Variants in CADPS observed in about 807,000 individuals in gnomAD.
The protein encoded by CADPS is calcium-dependent secretion activator 1.
A neutral mutation model predicts 167.3 loss-of-function variants in CADPS; 57 were observed. The observed-to-expected ratio is 0.34, with a 90% CI of 0.28 to 0.42. The LOEUF is 0.42. Ranked by LOEUF, CADPS falls within the 20% of genes least tolerant of loss-of-function variation. The pLI is 1.00. For missense variants in CADPS, 1,414 were observed against 1,738.1 expected, an observed-to-expected ratio of 0.81 and a Z score of 3.32; for synonymous variants, 676 against 635.3, an observed-to-expected ratio of 1.06 and a Z score of -0.96.
rs1474748774 is a variant in CADPS at position 62,474,308 on chromosome 3, T to C, written c.3342A>G (p.Ala1114=). The C allele has an allele frequency of 1.2e-6, 2 of 1,613,860 alleles. No individual in the cohort carries two copies. The highest frequency in any genetic ancestry group is 3.3e-5 in the Admixed American group (2 of 59,996). Residue 1114 remains alanine, a synonymous_variant, in exon 24 of 30, where the codon GCA becomes GCG. Transcript: ENST00000383710. Reference sequence around the variant, plus strand: ...TGGTTTTTTGCAGCTTAACTTCAAATGCAATCCTGGTTCTATTAAAACAAA... The same window carrying C: ...TGGTTTTTTGCAGCTTAACTTCAAACGCAATCCTGGTTCTATTAAAACAAA... ...IESCVKRTRI[A]FEVKLQKTSR...
chr3:62,482,911 C>T (rs756638365), intron 21 of CADPS, among the ~76,000 whole-genome samples: 7 of 152,084 alleles, frequency 4.6e-5, no homozygotes, highest in South Asian at 2.1e-4. Flanking sequence ...GATCAACTGA[C>T]GTGATGGAAG....
At chr3:62,718,326 G>A (rs1416733741) in intron 3 of CADPS, among the ~76,000 whole-genome samples, 1 of 152,160 alleles carries the variant, frequency 6.6e-6, no homozygotes, top group Non-Finnish European at 1.5e-5. Context: ...ATCTACTCAT[G>A]TAAATGTTTG....
chr3:62,538,989 T>C (rs190589709), intron 11 of CADPS, among the ~76,000 whole-genome samples: 1 of 152,334 alleles, frequency 6.6e-6, no homozygotes, highest in Admixed American at 6.5e-5. Context: ...TTTCATTTTT[T>C]ACTAACGTTT....
At chr3:62,632,708 A>C (rs903844812) in intron 6 of CADPS, among the ~76,000 whole-genome samples, 5 of 152,100 alleles carry the variant, frequency 3.3e-5, no homozygotes, top group Non-Finnish European at 5.9e-5. Flanking sequence ...GCACGACCAC[A>C]AGCACAGTGC....
At chr3:62,813,088 T>A (rs1027129616) in intron 1 of CADPS, among the ~76,000 whole-genome samples, 7 of 152,074 alleles carry the variant, frequency 4.6e-5, no homozygotes, top group South Asian at 2.1e-4. Context: ...ACCAAAGCCA[T>A]TTTTTACAGA....
intron 18 of CADPS, among the ~76,000 whole-genome samples, chr3:62,497,243 T>C (rs1265235805): frequency 1.3e-5 from 2 of 152,180 alleles, no homozygotes; most frequent in Non-Finnish European, 2.9e-5. Flanking sequence ...CCTCCAAAAA[T>C]AACTTGATTA....
At chr3:62,839,009 A>G (rs1344154975) in intron 1 of CADPS, among the ~76,000 whole-genome samples, 1 of 152,232 alleles carries the variant, frequency 6.6e-6, no homozygotes, top group Admixed American at 6.5e-5. Flanking sequence ...TGGGTCAGGC[A>G]GATAAGTGTA....
rs1203559856 is a variant in CADPS at position 62,412,800 on chromosome 3, C to T, written c.3778-9615G>A. ...AGCAAATCAAGCAGGGGAGTTTAAT[C>T]CAAAGCTTAGCTTATATGAACTATC... is the stretch of plus-strand genomic sequence containing the variant. On this transcript the variant is annotated intron_variant, in intron 28 of 29. Transcript: ENST00000383710. The surrounding 1 kb of genome is among the most constrained non-coding windows in gnomAD (Gnocchi z 4.1). Among the ~76,000 whole-genome samples the T allele has an allele frequency of 6.6e-6, 1 of 152,110 alleles. No individual in the cohort carries two copies. Among genetic ancestry groups the T allele is most frequent in the Non-Finnish European group, 1.5e-5 (1 of 68,022 alleles).
At chr3:62,542,075 T>C (rs1467038932) in intron 11 of CADPS, among the ~76,000 whole-genome samples, 1 of 152,194 alleles carries the variant, frequency 6.6e-6, no homozygotes, top group Non-Finnish European at 1.5e-5. Flanking sequence ...TTTTCTGGGC[T>C]AGTGAAAAAT....
At chr3:62,725,278 G>A (rs556660904) in intron 3 of CADPS, among the ~76,000 whole-genome samples, 40 of 152,334 alleles carry the variant, frequency 2.6e-4, no homozygotes, top group African/African-American at 9.1e-4. Flanking sequence ...TGGCCAGTGT[G>A]ATAGAGGAAT....
intron 3 of CADPS, among the ~76,000 whole-genome samples, chr3:62,734,003 T>C (rs2152194700): frequency 6.6e-6 from 1 of 152,354 alleles, no homozygotes; most frequent in Non-Finnish European, 1.5e-5. Context: ...TTCCATGGTG[T>C]ATATGTACAA....
chr3:62,685,895 G>T (rs2077944475), intron 3 of CADPS, among the ~76,000 whole-genome samples: 1 of 152,084 alleles, frequency 6.6e-6, no homozygotes. Flanking sequence ...CCTGACTGTG[G>T]CCTGGGGGTT....
chr3:62,860,806 C>A (rs1278611762), intron 1 of CADPS, among the ~76,000 whole-genome samples: 1 of 152,168 alleles, frequency 6.6e-6, no homozygotes, highest in Non-Finnish European at 1.5e-5. Flanking sequence ...TACATGTGGT[C>A]CATACAATAA....
chr3:62,550,368 TGGG>T (rs920197097), intron 10 of CADPS, among the ~76,000 whole-genome samples: 2 of 152,058 alleles, frequency 1.3e-5, no homozygotes, highest in African/African-American at 4.8e-5. Context: ...GCTGCCTGCT[TGGG>T]GGATAAACAT....
intron 28 of CADPS, among the ~76,000 whole-genome samples, chr3:62,429,962 T>G (rs2053590751): frequency 6.6e-6 from 1 of 152,184 alleles, no homozygotes; most frequent in Admixed American, 6.5e-5. Flanking sequence ...AAGACTGGCT[T>G]TATGTAAGGT....
chr3:62,481,766 T>C lies in CADPS; in HGVS notation c.3130A>G (p.Thr1044Ala), dbSNP rs2150842447. The change falls in exon 22 of 30, where the codon ACT becomes GCT. Residue 1044 changes from threonine to alanine, a missense_variant. Coordinates refer to ENST00000383710, the MANE Select transcript of CADPS (RefSeq NM_003716.4). ...NIPLGIPQMP[T>A]FSAPSWMAAI... ...GCCATCCATGACGGTGCCGAAAAAG[T>C]AGGCATTTGTGGGATGCCTAGAGGG... 1 of 1,609,724 alleles carries C rather than the reference T, an allele frequency of 6.2e-7. No homozygotes were observed.
chr3:62,600,933 A>G (rs753791015), intron 6 of CADPS, among the ~76,000 whole-genome samples: 12 of 152,180 alleles, frequency 7.9e-5, no homozygotes, highest in Non-Finnish European at 1.6e-4. Context: ...AGCCTGGGCA[A>G]CATAGTGATA....
chr3:62,538,160 G>GA (rs2075073106), intron 11 of CADPS, among the ~76,000 whole-genome samples: 1 of 152,118 alleles, frequency 6.6e-6, no homozygotes, highest in Non-Finnish European at 1.5e-5. Flanking sequence ...TTATCCTCAG[G>GA]AAAGTGCTTT....
intron 3 of CADPS, among the ~76,000 whole-genome samples, chr3:62,709,292 A>G (rs1232862070): frequency 6.6e-6 from 1 of 152,176 alleles, no homozygotes; most frequent in Non-Finnish European, 1.5e-5. Flanking sequence ...TTAGAATTGT[A>G]GAAAATGTGT....
Sources: gnomAD v4.1 joint callset for allele counts (sites outside exome capture counted in the v4.1 genomes callset) on GRCh38, gnomAD v4.1.1 for gene constraint, Gnocchi (gnomAD v3.1) non-coding constraint, MANE v1.5 for transcripts, NCBI Gene and HGNC (gene_info 2026-07-23, HGNC 2026-07-21) for gene names.